Variants in LRRC4C observed in about 807,000 individuals in gnomAD.
The protein encoded by LRRC4C is leucine-rich repeat-containing protein 4C.
A neutral mutation model predicts 33.6 loss-of-function variants in LRRC4C; 5 were observed. The ratio of observed to expected loss-of-function variants is 0.15; its 90% CI spans 0.08 to 0.31. The LOEUF (loss-of-function observed/expected upper bound fraction) is 0.31. Among genes scored for constraint, LRRC4C ranks in the 10% least tolerant of loss-of-function variants. The pLI is 1.00. For synonymous variants in LRRC4C, 329 were observed against 302.0 expected (o/e 1.09, Z -0.93); for missense variants, 560 against 796.7 (o/e 0.70, Z 3.58).
intron 1 of LRRC4C, among the ~76,000 whole-genome samples, chr11:41,211,920 T>C (rs1327719581): frequency 6.6e-6 from 1 of 152,248 alleles, no homozygotes; most frequent in Non-Finnish European, 1.5e-5. Context: ...TCTTCCACAA[T>C]GGTTGAACTA....
intron 2 of LRRC4C, among the ~76,000 whole-genome samples, chr11:40,693,140 A>C (rs1488200868): frequency 6.6e-6 from 1 of 152,116 alleles, no homozygotes; most frequent in Non-Finnish European, 1.5e-5. Context: ...GCACACTTAC[A>C]TACATAAAAC....
At chr11:40,754,456 AGCTGG>A (rs1948843733) in intron 2 of LRRC4C, among the ~76,000 whole-genome samples, 1 of 152,112 alleles carries the variant, frequency 6.6e-6, no homozygotes, top group Admixed American at 6.6e-5. Context: ...TAGGCCCCTA[AGCTGG>A]GGCTCACAGT....
At chr11:40,381,954 G>GTTTTTTTT (rs34415574) in intron 3 of LRRC4C, among the ~76,000 whole-genome samples, 9 of 85,912 alleles carry the variant, frequency 1.0e-4, no homozygotes, top group South Asian at 5.0e-4. Flanking sequence ...ATCAGTCAGC[G>GTTTTTTTT]TTTTTTTTTT....
chr11:40,917,950 A>G (rs978074724), intron 2 of LRRC4C, among the ~76,000 whole-genome samples: 2 of 152,126 alleles, frequency 1.3e-5, no homozygotes, highest in African/African-American at 2.4e-5. Flanking sequence ...TCCTTTGCAT[A>G]TCAAAACTGT....
At chr11:40,800,919 A>T (rs1233653676) in intron 2 of LRRC4C, among the ~76,000 whole-genome samples, 1 of 152,160 alleles carries the variant, frequency 6.6e-6, no homozygotes, top group African/African-American at 2.4e-5. Flanking sequence ...GAGCTCCAGG[A>T]CCATCACATC....
At chr11:40,842,671 T>C (rs1415157108) in intron 2 of LRRC4C, among the ~76,000 whole-genome samples, 2 of 152,150 alleles carry the variant, frequency 1.3e-5, no homozygotes, top group African/African-American at 2.4e-5. Context: ...TTTTGTATCA[T>C]TTAACCAACA....
At chr11:40,562,883 T>A (rs2135516375) in intron 3 of LRRC4C, among the ~76,000 whole-genome samples, 1 of 152,222 alleles carries the variant, frequency 6.6e-6, no homozygotes, top group African/African-American at 2.4e-5. Context: ...TGAGGCTTTC[T>A]TAGCGTGGCA....
At chr11:40,387,124 T>G (rs1449567416) in intron 3 of LRRC4C, among the ~76,000 whole-genome samples, 1 of 152,218 alleles carries the variant, frequency 6.6e-6, no homozygotes, top group Admixed American at 6.5e-5. Context: ...AGAAATTATA[T>G]AGAATTATTC....
chr11:41,454,583 A>C (rs2138674601), intron 1 of LRRC4C, among the ~76,000 whole-genome samples: 1 of 152,274 alleles, frequency 6.6e-6, no homozygotes, highest in South Asian at 2.1e-4. Context: ...GTGTTTCTGC[A>C]ACCACATATG....
intron 2 of LRRC4C, among the ~76,000 whole-genome samples, chr11:40,911,916 C>T (rs905514864): frequency 5.9e-5 from 9 of 152,042 alleles, no homozygotes; most frequent in East Asian, 5.8e-4. Flanking sequence ...CCTCAGTAGC[C>T]GATTCAATCA....
chr11:40,950,875 A>G lies in LRRC4C; in HGVS notation c.-495-17152T>C, dbSNP rs188762391. ...TGATCCTGGTATATGTAATTTTCCA[A>G]CTTGCTTATTTTTTTTTTTTACTAA... is the stretch of plus-strand genomic sequence containing the variant. On this transcript the variant is annotated intron_variant, in intron 1 of 6. Coordinates refer to ENST00000528697, the MANE Select transcript of LRRC4C (RefSeq NM_001258419.2). Among the ~76,000 whole-genome samples the G allele has an allele frequency of 5.8e-3, 866 of 150,226 alleles. 10 individuals carry two copies. The highest frequency in any genetic ancestry group is 9.8e-3 in the Non-Finnish European group (660 of 67,558).
chr11:40,946,758 C>T (rs1958421867), intron 1 of LRRC4C, among the ~76,000 whole-genome samples: 1 of 150,872 alleles, frequency 6.6e-6, no homozygotes. Context: ...GACACTTGAC[C>T]AATTAAAACT....
At chr11:40,600,930 A>G (rs1346973977) in intron 3 of LRRC4C, among the ~76,000 whole-genome samples, 1 of 152,204 alleles carries the variant, frequency 6.6e-6, no homozygotes, top group Non-Finnish European at 1.5e-5. Flanking sequence ...CAAGATTAAA[A>G]TCATTTAGTG....
At chr11:40,528,787 A>T (rs1403742907) in intron 3 of LRRC4C, among the ~76,000 whole-genome samples, 4 of 152,192 alleles carry the variant, frequency 2.6e-5, no homozygotes, top group African/African-American at 9.6e-5. Context: ...TATACAAACA[A>T]TGGAATATTA....
In LRRC4C at chr11:41,318,928, A is replaced by G. The variant is rs542804488; in HGVS notation, c.-496+140503T>C. Among the ~76,000 whole-genome samples, 8 of 152,292 alleles carry G rather than the reference A, an allele frequency of 5.3e-5. No individual in the cohort carries two copies. The East Asian group carries it at 9.6e-4, about 18-fold the overall frequency. ...TTCACACTACCTTAATTCGCTTACA[A>G]TTTTCTTCAGGGGACCAAATTTTAA... On this transcript the variant is annotated intron_variant, in intron 1 of 6. Coordinates refer to ENST00000528697, the MANE Select transcript of LRRC4C (RefSeq NM_001258419.2).
At chr11:40,469,479 T>C (rs1952818529) in intron 3 of LRRC4C, among the ~76,000 whole-genome samples, 1 of 152,192 alleles carries the variant, frequency 6.6e-6, no homozygotes, top group African/African-American at 2.4e-5. Flanking sequence ...CCAAGCTAGC[T>C]GCAGGAATTT....
chr11:40,926,669 AGTAT>A (rs2136418288), intron 2 of LRRC4C, among the ~76,000 whole-genome samples: 1 of 151,366 alleles, frequency 6.6e-6, no homozygotes, highest in East Asian at 2.0e-4. Flanking sequence ...ATTTGGTTAT[AGTAT>A]ACTTTTTTTA....
intron 1 of LRRC4C, among the ~76,000 whole-genome samples, chr11:41,116,074 A>G (rs1189044917): frequency 6.6e-6 from 1 of 152,112 alleles, no homozygotes; most frequent in Admixed American, 6.6e-5. Flanking sequence ...TCTTTAAGCT[A>G]CCATTTATTT....
chr11:40,651,590 TCTAATTTATTCA>T, intron 2 of LRRC4C, among the ~76,000 whole-genome samples: 1 of 152,294 alleles, frequency 6.6e-6, no homozygotes, highest in African/African-American at 2.4e-5. Flanking sequence ...CCATGCATTG[TCTAATTTATTCA>T]CTAGGGAAAA....
Sources: gnomAD v4.1 joint callset for allele counts (sites outside exome capture counted in the v4.1 genomes callset) on GRCh38, gnomAD v4.1.1 for gene constraint, MANE v1.5 for transcripts, NCBI Gene and HGNC (gene_info 2026-07-23, HGNC 2026-07-21) for gene names.